ZCCHC2: variants seen among roughly 807,000 people sequenced by gnomAD.
ZCCHC2 encodes the protein zinc finger CCHC-type containing 2, also known as zinc finger CCHC domain-containing protein 2.
Under a neutral mutation model 103.6 loss-of-function variants are expected in ZCCHC2, and 39 were observed. The observed-to-expected ratio is 0.38, with a 90% CI of 0.29 to 0.49. ZCCHC2 has a LOEUF of 0.49. Ranked by LOEUF, ZCCHC2 falls within the 20% of genes least tolerant of loss-of-function variation. The probability of loss-of-function intolerance (pLI) is 0.96; values close to 1 mark genes in which losing one functional copy is unlikely to be tolerated. For synonymous variants in ZCCHC2, 687 were observed against 608.9 expected, an observed-to-expected ratio of 1.13 and a Z score of -1.89; for missense variants, 1,483 against 1,491.0, an observed-to-expected ratio of 0.99 and a Z score of 0.09.
rs1598958495 is a variant in ZCCHC2, at chr18:62,564,481, G to C, written c.1687-90G>C. 8 of 948,780 alleles carry C rather than the reference G, an allele frequency of 8.4e-6. No individual in the cohort carries two copies. The East Asian group carries it at 2.3e-4, about 27-fold the overall frequency. The allele number at this position is 948,780 out of a possible 1,614,324, so 58.8% of individuals were successfully genotyped here. A position where few individuals can be genotyped will look rare whatever the true frequency, so the allele number is the denominator to read the frequency against. On this transcript the variant is annotated intron_variant, in intron 9 of 13. Transcript: ENST00000269499. Reference sequence around the variant, plus strand: ...CAACACTTGTTAGAATATACAACTGGGAATCTATCATTTTAATGTTTATTA... The same window carrying C: ...CAACACTTGTTAGAATATACAACTGCGAATCTATCATTTTAATGTTTATTA...
At chr18:62,541,635 T>C (rs1490497682) in intron 2 of ZCCHC2, among the ~76,000 whole-genome samples, 3 of 152,214 alleles carry the variant, frequency 2.0e-5, no homozygotes, top group Non-Finnish European at 2.9e-5. Context: ...CAGCCTGATA[T>C]TACCTCCCTC....
chr18:62,526,332 C>T (rs955056652), intron 1 of ZCCHC2: 2 of 152,336 alleles, frequency 1.3e-5, no homozygotes, highest in African/African-American at 4.8e-5. Flanking sequence ...GGGCCGCGTA[C>T]TACAGGTGAC....
intron 5 of ZCCHC2, among the ~76,000 whole-genome samples, chr18:62,555,228 A>G (rs1244966673): frequency 1.3e-5 from 2 of 152,168 alleles, no homozygotes; most frequent in Non-Finnish European, 2.9e-5. Context: ...ATTCTGCTCT[A>G]ATTCTTTGCC....
Position 62,563,142 on chromosome 18 carries a change from C to G in ZCCHC2, c.1684C>G (p.Gln562Glu). 1 of 1,612,414 alleles carries G rather than the reference C, an allele frequency of 6.2e-7. No homozygotes were observed. The highest frequency in any genetic ancestry group is 8.5e-7 in the Non-Finnish European group (1 of 1,178,676). Residue 562 changes from glutamine (Q) to glutamate (E), a missense_variant and splice_region_variant, in exon 9 of 14, where the codon CAG becomes GAG. This residue lies in a region of ZCCHC2 where 884 missense variants were observed against 907.5 expected (regional missense o/e 0.97). Coordinates refer to ENST00000269499, the MANE Select transcript of ZCCHC2 (RefSeq NM_017742.6). ...HPEHCVTSAD[Q>E]HSAEKRSLSS... ...AGAGCACTGTGTGACCTCGGCTGAC[C>G]AGGTGTGTGGGGAGTTTGTTTTGGA... is the stretch of plus-strand genomic sequence containing the variant.
In ZCCHC2 at chr18:62,557,882, G is replaced by A. The variant is rs187408530; in HGVS notation, c.1409-805G>A. On this transcript the variant is annotated intron_variant, in intron 6 of 13. Transcript: ENST00000269499. ...AGAGGTTGGTGGATTTTGTTTTTAG[G>A]TTGTAAAATTAAAACACTGTATGAA... Among the ~76,000 whole-genome samples, 826 of 152,288 alleles carry A rather than the reference G, an allele frequency of 5.4e-3. 5 individuals carry two copies. The highest frequency in any genetic ancestry group is 9.4e-3 in the Non-Finnish European group (639 of 68,024).
downstream of ZCCHC2, among the ~76,000 whole-genome samples, chr18:62,579,676 C>T (rs1018977497): frequency 1.3e-5 from 2 of 152,206 alleles, no homozygotes; most frequent in Non-Finnish European, 2.9e-5. Context: ...CCTCCCTCCC[C>T]TTCCCCCACT....
In ZCCHC2 at chr18:62,565,098, TAAG is replaced by T. The variant is rs769711026; in HGVS notation, c.1846+6_1846+8del. The T allele has an allele frequency of 1.2e-6, 2 of 1,606,344 alleles. No individual in the cohort carries two copies. The highest frequency in any genetic ancestry group is 2.2e-5 in the East Asian group (1 of 44,826). On this transcript the variant is annotated splice_donor_5th_base_variant and intron_variant, in intron 11 of 13. Transcript: ENST00000269499. ...ATGCCCATGGTGGTACTGTGAAAGGTAAGAAGGTTATTTTTCTTTCAAATACCC... is the reference window on the plus strand; with the variant it reads ...ATGCCCATGGTGGTACTGTGAAAGGTAAGGTTATTTTTCTTTCAAATACCC...
chr18:62,545,448 C>G (rs752697057), intron 4 of ZCCHC2, among the ~76,000 whole-genome samples: 5 of 152,034 alleles, frequency 3.3e-5, no homozygotes, highest in Non-Finnish European at 7.4e-5. Flanking sequence ...CCACCTCACC[C>G]CCCATATGAT....
At chr18:62,542,814 G>A (rs118003176) in intron 3 of ZCCHC2, among the ~76,000 whole-genome samples, 4 of 152,194 alleles carry the variant, frequency 2.6e-5, no homozygotes, top group Non-Finnish European at 2.9e-5. Flanking sequence ...ATTTAGGGAC[G>A]CAATTAAGAT....
At chr18:62,542,475 A>G in intron 2 of ZCCHC2, 23 bp from the exon 3 acceptor site, 1 of 1,547,516 alleles carries the variant, frequency 6.5e-7, no homozygotes, top group South Asian at 1.2e-5. Flanking sequence ...AGCACAAGTC[A>G]CCGTGTGTTT....
In ZCCHC2 at chr18:62,577,240, G is replaced by C. The variant is rs1448430067; in HGVS notation, c.*661G>C. ...GTTGTCCAAATAGAAATGAAAATAA[G>C]TGGAAGAGAGAGGAAGAAGTCAAAC... On this transcript the variant is annotated 3_prime_UTR_variant, in exon 14 of 14. Coordinates refer to ENST00000269499, the MANE Select transcript of ZCCHC2 (RefSeq NM_017742.6). 6.6e-6 allele frequency: 1 copy of C among 152,628 alleles called. No individual in the cohort carries two copies. Among genetic ancestry groups the C allele is most frequent in the Non-Finnish European group, 1.5e-5 (1 of 68,046 alleles). 9.5% of individuals were successfully genotyped at this position (152,628 alleles called of 1,614,324 possible).
At chr18:62,533,193 C>T (rs367695072) in intron 1 of ZCCHC2, among the ~76,000 whole-genome samples, 1 of 152,178 alleles carries the variant, frequency 6.6e-6, no homozygotes, top group Non-Finnish European at 1.5e-5. Flanking sequence ...ATTGCTCAGT[C>T]ATAATTTCCT....
At chr18:62,567,837 C>G (rs111395248) in intron 11 of ZCCHC2, among the ~76,000 whole-genome samples, 2 of 149,550 alleles carry the variant, frequency 1.3e-5, no homozygotes, top group Non-Finnish European at 3.0e-5. Context: ...CCCAGCTACT[C>G]GGGAGACTGA....
intron 12 of ZCCHC2, among the ~76,000 whole-genome samples, chr18:62,572,959 A>C (rs1916650820): frequency 6.6e-6 from 1 of 152,006 alleles, no homozygotes; most frequent in South Asian, 2.1e-4. Flanking sequence ...AGAACCATTC[A>C]CTCTTTGAGT....
chr18:62,526,483 T>C (rs1398908337), intron 1 of ZCCHC2, among the ~76,000 whole-genome samples: 3 of 152,348 alleles, frequency 2.0e-5, no homozygotes, highest in East Asian at 1.9e-4. Context: ...GAGTCCCAGC[T>C]GTGGCTTGTT....
At chr18:62,535,656 A>G (rs1914892289) in intron 1 of ZCCHC2, among the ~76,000 whole-genome samples, 1 of 152,170 alleles carries the variant, frequency 6.6e-6, no homozygotes, top group Non-Finnish European at 1.5e-5. Context: ...CTCCAAGCCC[A>G]AGTGTCCAGG....
intron 11 of ZCCHC2, among the ~76,000 whole-genome samples, chr18:62,566,693 G>A (rs1050259453): frequency 6.6e-6 from 1 of 152,196 alleles, no homozygotes; most frequent in Admixed American, 6.5e-5. Flanking sequence ...GCACGTGGAC[G>A]TTGGTCAGAG....
Position 62,574,645 on chromosome 18 carries a change from G to A in ZCCHC2, c.2564G>A (p.Gly855Asp), listed in dbSNP as rs370924509. Reference sequence around the variant, plus strand: ...GCCTTTATTCCTATCCATAACCCAGGTAGTTTCCCAGGCTCTCCTGTTGCT... The same window carrying A: ...GCCTTTATTCCTATCCATAACCCAGATAGTTTCCCAGGCTCTCCTGTTGCT... Reference protein sequence around the residue: ...NTAFIPIHNPGSFPGSPVATT... With the variant: ...NTAFIPIHNPDSFPGSPVATT... The change falls in exon 13 of 14, where the codon GGT (glycine) becomes GAT (aspartate). Residue 855 changes from glycine (G) to aspartate (D), a missense_variant. Physicochemically the swap from Gly to Asp is moderately conservative, Grantham distance 94 (BLOSUM62 -1). Coordinates refer to ENST00000269499, the MANE Select transcript of ZCCHC2 (RefSeq NM_017742.6). 1.9e-6 allele frequency: 3 copies of A among 1,613,832 alleles called. No homozygotes were observed. Among genetic ancestry groups the A allele is most frequent in the East Asian group, 2.2e-5 (1 of 44,900 alleles).
At position 62,523,685 on chromosome 18, in the gene ZCCHC2, G is replaced by A. The variant is rs1421093892; in HGVS notation, c.261G>A (p.Gly87=). 3 of 1,386,060 alleles carry A rather than the reference G, an allele frequency of 2.2e-6. No homozygotes were observed. The highest frequency in any genetic ancestry group is 2.8e-6 in the Non-Finnish European group (3 of 1,072,894). The allele number at this position is 1,386,060 out of a possible 1,614,324, so 85.9% of individuals were successfully genotyped here. Reference sequence around the variant, plus strand: ...CGGGTATGCCGGGCGGCGGCGGGGGGCCCTCGGCGGCGCTGCGCGAGCAGG... The same window carrying A: ...CGGGTATGCCGGGCGGCGGCGGGGGACCCTCGGCGGCGCTGCGCGAGCAGG... ...AGAGMPGGGG[G]PSAALREQER... The change falls in exon 1 of 14, where the codon GGG becomes GGA. Residue 87 remains glycine (G), a synonymous_variant. Coordinates refer to ENST00000269499, the MANE Select transcript of ZCCHC2 (RefSeq NM_017742.6).
Sources: gnomAD v4.1 joint callset for allele counts (sites outside exome capture counted in the v4.1 genomes callset) on GRCh38, gnomAD v4.1.1 for gene constraint, gnomAD v4.1.1 regional missense constraint, MANE v1.5 for transcripts, NCBI Gene and HGNC (gene_info 2026-07-23, HGNC 2026-07-21) for gene names.